PSMC6: variants seen among roughly 807,000 people sequenced by gnomAD.
PSMC6 encodes the protein 26S proteasome regulatory subunit 10B.
A neutral mutation model predicts 55.9 loss-of-function variants in PSMC6; 3 were observed. That is an observed-to-expected ratio of 0.05 (90% CI 0.02 to 0.14). The LOEUF (loss-of-function observed/expected upper bound fraction) is 0.14, where lower values mean the gene tolerates loss of function less well. PSMC6 is among the 10% of genes least tolerant of loss of function. PSMC6 has a pLI of 1.00. For synonymous variants in PSMC6, 137 were observed against 155.9 expected, an observed-to-expected ratio of 0.88 and a Z score of 0.90; for missense variants, 210 against 478.7, an observed-to-expected ratio of 0.44 and a Z score of 5.24.
intron 7 of PSMC6, among the ~76,000 whole-genome samples, chr14:52,717,028 G>C (rs1284175197): frequency 6.6e-6 from 1 of 152,160 alleles, no homozygotes; most frequent in African/African-American, 2.4e-5. Context: ...AGGATATAAA[G>C]TTCACTTAGA....
chr14:52,717,695 G>T (rs1018472956), intron 7 of PSMC6, among the ~76,000 whole-genome samples: 7 of 151,542 alleles, frequency 4.6e-5, no homozygotes, highest in Non-Finnish European at 1.0e-4. Flanking sequence ...CTTGCCAAAC[G>T]ATTATATTCT....
Position 52,711,286 on chromosome 14 carries a change from C to T in PSMC6, c.326+118C>T, listed in dbSNP as rs930310441. ...GGCACTTTTTCCCTTTTACTAGTTT[C>T]TAATTAAGCACATCTTTATGAGATC... On this transcript the variant is annotated intron_variant, in intron 5 of 13. Coordinates refer to ENST00000445930, the MANE Select transcript of PSMC6 (RefSeq NM_002806.5). The T allele has an allele frequency of 6.2e-6, 8 of 1,282,126 alleles. No homozygotes were observed. The African/African-American group carries it at 1.2e-4, about 19-fold the overall frequency. The allele number at this position is 1,282,126 out of a possible 1,614,324, so 79.4% of individuals were successfully genotyped here. A position where few individuals can be genotyped will look rare whatever the true frequency, so the allele number is the denominator to read the frequency against.
rs745777005 is a variant in PSMC6, at chr14:52,721,115, G to A, written c.904G>A (p.Asp302Asn). The change falls in exon 12 of 14, where the codon GAT becomes AAT. Residue 302 changes from aspartate (D) to asparagine (N), a missense_variant. Asp to Asn is a conservative substitution (Grantham distance 23). Coordinates refer to ENST00000445930, the MANE Select transcript of PSMC6 (RefSeq NM_002806.5). ...AAATAATTTTTTATTTTCAGATATT[G>A]ATTTGCCAAATGAACAAGCAAGATT... Reference protein sequence around the residue: ...PGRLDRKIHIDLPNEQARLDI... With the variant: ...PGRLDRKIHINLPNEQARLDI... 1 of 1,592,792 alleles carries A rather than the reference G, an allele frequency of 6.3e-7. No individual in the cohort carries two copies. Among genetic ancestry groups the A allele is most frequent in the Non-Finnish European group, 8.5e-7 (1 of 1,173,098 alleles).
chr14:52,720,747 T>C (rs984550707), intron 10 of PSMC6, 114 bp from the exon 11 acceptor site: 5 of 803,212 alleles, frequency 6.2e-6, no homozygotes, highest in Non-Finnish European at 9.5e-6. Context: ...ATTCTGAAGA[T>C]AGAACATATC....
intron 13 of PSMC6, among the ~76,000 whole-genome samples, chr14:52,726,131 C>T (rs1227163897): frequency 1.3e-5 from 2 of 152,090 alleles, no homozygotes; most frequent in Non-Finnish European, 2.9e-5. Flanking sequence ...TAGTAGATAG[C>T]AATAAACTTA....
At chr14:52,714,529 G>T (rs1365660825) in intron 7 of PSMC6, among the ~76,000 whole-genome samples, 1 of 152,160 alleles carries the variant, frequency 6.6e-6, no homozygotes, top group Non-Finnish European at 1.5e-5. Context: ...ACCCAGAGGT[G>T]CTTTCATGGA....
chr14:52,718,509 C>A, intron 9 of PSMC6, 157 bp downstream of exon 9: 1 of 830,416 alleles, frequency 1.2e-6, no homozygotes. Context: ...CCTTTCATGG[C>A]CGGGTGTGGT....
chr14:52,718,025 A>T (rs1050615478), intron 7 of PSMC6, 56 bp from the exon 8 acceptor site: 1 of 1,562,638 alleles, frequency 6.4e-7, no homozygotes, highest in African/African-American at 1.4e-5. Flanking sequence ...TGCCTGTCTC[A>T]AAACAAATTT....
intron 7 of PSMC6, among the ~76,000 whole-genome samples, chr14:52,717,568 C>T (rs1296683645): frequency 3.3e-5 from 5 of 151,322 alleles, no homozygotes; most frequent in East Asian, 2.0e-4. Flanking sequence ...GTGATCTGCC[C>T]GCCTCAGCCT....
intron 4 of PSMC6, chr14:52,710,703 C>G: frequency 4.5e-6 from 1 of 221,024 alleles, no homozygotes; most frequent in South Asian, 6.6e-5. Context: ...TTAACACATT[C>G]TTCCCAGAAG....
intron 3 of PSMC6, 111 bp from the exon 4 acceptor site, chr14:52,708,653 C>T (rs1474711355): frequency 2.6e-5 from 40 of 1,543,716 alleles, no homozygotes; most frequent in South Asian, 2.4e-5. Flanking sequence ...AGTTTTCCTT[C>T]AACTAATGTC....
chr14:52,727,790 AT>A lies in PSMC6; in HGVS notation c.*174del. On this transcript the variant is annotated 3_prime_UTR_variant, in exon 14 of 14. Transcript: ENST00000445930. ...CTTTTAAGATACAGAAGAAATTTGTATGTTTGTTAAAGTTGCATTTATTGCA... is the reference window on the plus strand; with the variant it reads ...CTTTTAAGATACAGAAGAAATTTGTAGTTTGTTAAAGTTGCATTTATTGCA... 2.1e-6 allele frequency: 1 copy of A among 475,530 alleles called. No homozygotes were observed. Among genetic ancestry groups the A allele is most frequent in the Non-Finnish European group, 3.7e-6 (1 of 266,682 alleles). The allele number at this position is 475,530 out of a possible 1,614,324, so 29.5% of individuals were successfully genotyped here. A position where few individuals can be genotyped will look rare whatever the true frequency, so the allele number is the denominator to read the frequency against.
intron 7 of PSMC6, among the ~76,000 whole-genome samples, chr14:52,714,889 T>TAA (rs1491121879): frequency 7.9e-6 from 1 of 127,208 alleles, no homozygotes; most frequent in African/African-American, 3.0e-5. Context: ...AAAAAAAAAA[T>TAA]TTTTTTATAT....
intron 9 of PSMC6, 162 bp from the exon 10 acceptor site, chr14:52,718,815 G>T: frequency 1.6e-6 from 1 of 620,102 alleles, no homozygotes; most frequent in South Asian, 2.1e-5. Context: ...AACAAAATGA[G>T]AAATGTTACA....
At position 52,711,482 on chromosome 14, in the gene PSMC6, T is replaced by C; in HGVS notation, c.399T>C (p.Ser133=). The change falls in exon 6 of 14, where the codon TCT becomes TCC. Residue 133 remains serine, a synonymous_variant. Coordinates refer to ENST00000445930, the MANE Select transcript of PSMC6 (RefSeq NM_002806.5). ...AGGACCCTGGGAATGTTTCTTATTC[T>C]GAGATTGGAGGGCTATCAGAACAGA... ...SHEDPGNVSY[S]EIGGLSEQIR... is the part of the protein sequence containing the mutation. 6.2e-7 allele frequency: 1 copy of C among 1,613,202 alleles called. No individual in the cohort carries two copies. Among genetic ancestry groups the C allele is most frequent in the Non-Finnish European group, 8.5e-7 (1 of 1,179,298 alleles).
At chr14:52,709,657 A>T (rs948586332) in intron 4 of PSMC6, 1 of 440,642 alleles carries the variant, frequency 2.3e-6, no homozygotes, top group Non-Finnish European at 4.5e-6. Context: ...ACTAAAAAAC[A>T]TTAGAAAAGC....
chr14:52,719,944 G>A (rs552444066), intron 10 of PSMC6, among the ~76,000 whole-genome samples: 1 of 152,116 alleles, frequency 6.6e-6, no homozygotes, highest in South Asian at 2.1e-4. Context: ...GAAAAAATAG[G>A]CCAGGCATGG....
At chr14:52,711,361 A>G (rs369204821) in intron 5 of PSMC6, 49 bp from the exon 6 acceptor site, 9 of 1,473,070 alleles carry the variant, frequency 6.1e-6, no homozygotes, top group Non-Finnish European at 8.5e-6. Context: ...TCTGTAGGCT[A>G]AGAGAAAATA....
intron 13 of PSMC6, 47 bp from the exon 14 acceptor site, chr14:52,727,452 T>A (rs768026213): frequency 8.5e-7 from 1 of 1,178,828 alleles, no homozygotes; most frequent in Non-Finnish European, 1.2e-6. Flanking sequence ...AATGAACATA[T>A]AATTCATATG....
Sources: allele counts gnomAD v4.1 joint callset (sites outside exome capture counted in the v4.1 genomes callset), GRCh38; gene constraint gnomAD v4.1.1; transcripts MANE v1.5; gene names NCBI Gene and HGNC (gene_info 2026-07-23, HGNC 2026-07-21).